SRGAP1: variants seen among roughly 807,000 people sequenced by gnomAD.
SRGAP1 encodes the protein SLIT-ROBO Rho GTPase-activating protein 1.
In SRGAP1, 43 loss-of-function variants were observed where a neutral mutation model predicts 121.9. That is an observed-to-expected ratio of 0.35 (90% CI 0.28 to 0.46). SRGAP1 has a LOEUF of 0.46. Ranked by LOEUF, SRGAP1 falls within the 20% of genes least tolerant of loss-of-function variation. The pLI, the probability that SRGAP1 is intolerant of heterozygous loss-of-function variation, is 1.00. For missense variants in SRGAP1, 1,102 were observed against 1,350.9 expected (o/e 0.82, Z 2.89); for synonymous variants, 447 against 485.4 (o/e 0.92, Z 1.04).
At chr12:64,057,070 A>G (rs1230801233) in intron 6 of SRGAP1, among the ~76,000 whole-genome samples, 2 of 152,150 alleles carry the variant, frequency 1.3e-5, no homozygotes, top group East Asian at 3.8e-4. Context: ...GCTCCTCTGA[A>G]GGAAATGATT....
intron 3 of SRGAP1, among the ~76,000 whole-genome samples, chr12:64,005,901 T>G (rs988439957): frequency 2.6e-5 from 4 of 152,178 alleles, no homozygotes; most frequent in Non-Finnish European, 5.9e-5. Context: ...AAACCTCTAT[T>G]GATAACCTTT....
In SRGAP1 at chr12:63,862,314, C is replaced by T. The variant is rs542692607; in HGVS notation, c.67+17431C>T. ...TGGAGACCTATGACACTAGGCCCTG[C>T]GGGGGAGGTGCCACCCTGCAGGCTT... is the stretch of plus-strand genomic sequence containing the variant. On this transcript the variant is annotated intron_variant, in intron 1 of 21. Transcript: ENST00000355086. Among the ~76,000 whole-genome samples, 9 of 152,056 alleles carry T rather than the reference C, an allele frequency of 5.9e-5. No individual in the cohort carries two copies. The South Asian group carries it at 8.3e-4, about 14-fold the overall frequency.
At chr12:64,070,517 T>C (rs1005158343) in intron 8 of SRGAP1, among the ~76,000 whole-genome samples, 1 of 152,220 alleles carries the variant, frequency 6.6e-6, no homozygotes, top group African/African-American at 2.4e-5. Context: ...TCTCAAATTA[T>C]AGTAGATTTA....
At chr12:64,115,736 A>T in intron 17 of SRGAP1, 78 bp from the exon 18 acceptor site, 1 of 1,083,252 alleles carries the variant, frequency 9.2e-7, no homozygotes, top group African/African-American at 1.6e-5. Flanking sequence ...ACTCCAGCCT[A>T]GGCAGCAGTG....
chr12:63,918,284 A>C (rs1004385543), intron 1 of SRGAP1, among the ~76,000 whole-genome samples: 1 of 152,150 alleles, frequency 6.6e-6, no homozygotes, highest in East Asian at 1.9e-4. Context: ...TGTTTTAGAG[A>C]TGAGAAAACG....
At chr12:64,134,903 C>T (rs1026591924) in intron 21 of SRGAP1, among the ~76,000 whole-genome samples, 1 of 152,198 alleles carries the variant, frequency 6.6e-6, no homozygotes, top group Admixed American at 6.5e-5. Flanking sequence ...CTCAACCTCA[C>T]CTCCAGGGGC....
chr12:63,846,575 G>A (rs533545236), intron 1 of SRGAP1, among the ~76,000 whole-genome samples: 2 of 152,262 alleles, frequency 1.3e-5, no homozygotes, highest in South Asian at 2.1e-4. Flanking sequence ...AAATTCAAAC[G>A]GAAGAAAAAT....
intron 1 of SRGAP1, among the ~76,000 whole-genome samples, chr12:63,858,685 C>T (rs962347080): frequency 6.6e-6 from 1 of 152,100 alleles, no homozygotes; most frequent in African/African-American, 2.4e-5. Context: ...TGTATTTCTT[C>T]TCATGTCAGT....
chr12:63,990,815 T>C (rs2033539781), intron 3 of SRGAP1, among the ~76,000 whole-genome samples: 1 of 152,250 alleles, frequency 6.6e-6, no homozygotes, highest in Non-Finnish European at 1.5e-5. Context: ...GATTATTACA[T>C]GTGCTACTCT....
intron 1 of SRGAP1, among the ~76,000 whole-genome samples, chr12:63,865,445 G>T (rs1899594438): frequency 6.6e-6 from 1 of 152,062 alleles, no homozygotes; most frequent in Admixed American, 6.6e-5. Flanking sequence ...CTCCAGCCTG[G>T]GCGATAGAGC....
Position 63,972,673 on chromosome 12 carries a change from A to G in SRGAP1, c.68-11274A>G, listed in dbSNP as rs543339031. On this transcript the variant is annotated intron_variant, in intron 1 of 21. Transcript: ENST00000355086. Reference sequence around the variant, plus strand: ...ATCTTATAATACATTATAGTTCAAAACTTTATGTTAATTAGAACATAATAG... The same window carrying G: ...ATCTTATAATACATTATAGTTCAAAGCTTTATGTTAATTAGAACATAATAG... 2.6e-5 allele frequency among the ~76,000 whole-genome samples: 4 copies of G among 152,338 alleles called. No individual in the cohort carries two copies. In the South Asian group the frequency reaches 6.2e-4, roughly 24 times the overall value.
intron 4 of SRGAP1, among the ~76,000 whole-genome samples, chr12:64,021,024 C>G (rs554956085): frequency 7.3e-5 from 11 of 151,472 alleles, no homozygotes; most frequent in African/African-American, 2.7e-4. Flanking sequence ...AAGACTCAAG[C>G]TCCTCCTACT....
chr12:63,986,665 C>T (rs191171395), intron 2 of SRGAP1, among the ~76,000 whole-genome samples: 28 of 152,278 alleles, frequency 1.8e-4, no homozygotes, highest in African/African-American at 6.5e-4. Flanking sequence ...TCAAGTGATC[C>T]GCCTGCCTCA....
intron 18 of SRGAP1, among the ~76,000 whole-genome samples, chr12:64,123,184 T>C (rs924504963): frequency 1.3e-5 from 2 of 152,222 alleles, no homozygotes; most frequent in African/African-American, 4.8e-5. Flanking sequence ...GCAAATTACA[T>C]GTCCTGAAGT....
chr12:64,009,591 A>G (rs1304857380), intron 3 of SRGAP1, among the ~76,000 whole-genome samples: 1 of 152,182 alleles, frequency 6.6e-6, no homozygotes, highest in Non-Finnish European at 1.5e-5. Context: ...TGGATGTAGA[A>G]TACCACATTT....
chr12:63,941,129 GATAA>G (rs537857138), intron 1 of SRGAP1, among the ~76,000 whole-genome samples: 28 of 151,290 alleles, frequency 1.9e-4, no homozygotes, highest in Non-Finnish European at 2.5e-4. Context: ...ATTAATCCCT[GATAA>G]ATATATATTA....
intron 1 of SRGAP1, among the ~76,000 whole-genome samples, chr12:63,981,596 T>C (rs1338434292): frequency 2.0e-5 from 3 of 152,336 alleles, no homozygotes; most frequent in African/African-American, 7.2e-5. Flanking sequence ...TAATACTGTA[T>C]TGGAAAACAC....
chr12:63,855,618 G>T (rs1489662480), intron 1 of SRGAP1, among the ~76,000 whole-genome samples: 1 of 149,624 alleles, frequency 6.7e-6, no homozygotes. Context: ...AGCTTCCCAA[G>T]TAGGGACTAC....
chr12:63,937,394 C>A (rs954952119), intron 1 of SRGAP1, among the ~76,000 whole-genome samples: 1 of 152,092 alleles, frequency 6.6e-6, no homozygotes, highest in Non-Finnish European at 1.5e-5. Flanking sequence ...TACTATAGAA[C>A]TTGAAATAAG....
Sources: gnomAD v4.1 joint callset for allele counts (sites outside exome capture counted in the v4.1 genomes callset) on GRCh38, gnomAD v4.1.1 for gene constraint, MANE v1.5 for transcripts, NCBI Gene and HGNC (gene_info 2026-07-23, HGNC 2026-07-21) for gene names.